Variants in LINGO2 observed in about 807,000 individuals in gnomAD.
The protein encoded by LINGO2 is leucine-rich repeat and immunoglobulin-like domain-containing nogo receptor-interacting protein 2.
In LINGO2, 14 loss-of-function variants were observed where a neutral mutation model predicts 30.6. The observed-to-expected ratio is 0.46, with a 90% confidence interval of 0.30 to 0.72. LINGO2 has a LOEUF of 0.72. Among genes scored for constraint, LINGO2 ranks in the 30% least tolerant of loss-of-function variants. The pLI, the probability that LINGO2 is intolerant of heterozygous loss-of-function variation, is 0.07. For missense variants in LINGO2, 729 were observed against 751.7 expected, an observed-to-expected ratio of 0.97 and a Z score of 0.35; for synonymous variants, 317 against 288.5, an observed-to-expected ratio of 1.10 and a Z score of -1.00.
chr9:28,833,645 A>G, the LINGO2 span, among the ~76,000 whole-genome samples: 2 of 152,166 alleles, frequency 1.3e-5, no homozygotes, highest in Admixed American at 1.3e-4. Flanking sequence ...AATATATGGG[A>G]GAGGGAACAT....
chr9:28,166,865 A>G (rs1318010117), intron 4 of LINGO2, among the ~76,000 whole-genome samples: 1 of 151,996 alleles, frequency 6.6e-6, no homozygotes, highest in Non-Finnish European at 1.5e-5. Context: ...TCTTACTCCC[A>G]TTACTCTGTG....
chr9:28,675,901 G>T, the LINGO2 span, among the ~76,000 whole-genome samples: 1 of 107,610 alleles, frequency 9.3e-6, no homozygotes, highest in Non-Finnish European at 1.9e-5. Context: ...GTGTGTGTGT[G>T]TATGTATATA....
exon 6 of LINGO2, chr9:27,948,859 T>C: frequency 6.2e-7 from 1 of 1,607,174 alleles, no homozygotes; most frequent in African/African-American, 1.3e-5. Flanking sequence ...CTTCAAATCA[T>C]TTTCATGTTG....
chr9:28,744,631 TGTGTGTGTA>T, the LINGO2 span, among the ~76,000 whole-genome samples: 1 of 145,644 alleles, frequency 6.9e-6, no homozygotes, highest in Admixed American at 6.8e-5. Context: ...TGTGTGTGTG[TGTGTGTGTA>T]TTTTTTTTTT....
intron 4 of LINGO2, among the ~76,000 whole-genome samples, chr9:28,185,420 T>C (rs549659125): frequency 2.4e-4 from 37 of 152,170 alleles, no homozygotes; most frequent in Admixed American, 7.9e-4. Context: ...TCATAACCCA[T>C]GATTAACAGG....
chr9:28,893,043 C>T, the LINGO2 span, among the ~76,000 whole-genome samples: 1 of 151,952 alleles, frequency 6.6e-6, no homozygotes, highest in Admixed American at 6.6e-5. Context: ...TTTATACATG[C>T]TTGATGCTTA....
chr9:28,158,828 A>G (rs1828208883), intron 4 of LINGO2, among the ~76,000 whole-genome samples: 1 of 152,226 alleles, frequency 6.6e-6, no homozygotes, highest in Non-Finnish European at 1.5e-5. Context: ...CTGAAAAACT[A>G]TCCTTCACGA....
At chr9:29,198,189 C>A in the LINGO2 span, among the ~76,000 whole-genome samples, 1 of 152,062 alleles carries the variant, frequency 6.6e-6, no homozygotes, top group Admixed American at 6.6e-5. Flanking sequence ...TAAAAGGAGG[C>A]ATTTTCTGTG....
chr9:28,131,458 A>T (rs1827376835), intron 4 of LINGO2, among the ~76,000 whole-genome samples: 2 of 152,262 alleles, frequency 1.3e-5, no homozygotes, highest in African/African-American at 4.8e-5. Context: ...TAAAAAATGT[A>T]TCTCACTCAT....
chr9:29,169,606 C>A, the LINGO2 span, among the ~76,000 whole-genome samples: 6 of 152,070 alleles, frequency 3.9e-5, no homozygotes, highest in African/African-American at 1.4e-4. Flanking sequence ...GTCATAATGG[C>A]TATTATTAAA....
At chr9:28,855,296 A>C in the LINGO2 span, among the ~76,000 whole-genome samples, 1 of 152,032 alleles carries the variant, frequency 6.6e-6, no homozygotes, top group Non-Finnish European at 1.5e-5. Context: ...TAGGATTTAG[A>C]ATATAGGTAA....
chr9:29,015,128 G>C, the LINGO2 span, among the ~76,000 whole-genome samples: 1 of 152,074 alleles, frequency 6.6e-6, no homozygotes, highest in Admixed American at 6.6e-5. Flanking sequence ...AGTGTGGAGT[G>C]ATAGAAAATG....
chr9:28,196,101 C>A (rs140726507), intron 4 of LINGO2, among the ~76,000 whole-genome samples: 2 of 151,572 alleles, frequency 1.3e-5, no homozygotes, highest in South Asian at 2.1e-4. Context: ...TGCTAACATC[C>A]TTTTTGACAA....
At chr9:29,158,317 C>G in the LINGO2 span, among the ~76,000 whole-genome samples, 1 of 152,016 alleles carries the variant, frequency 6.6e-6, no homozygotes, top group Non-Finnish European at 1.5e-5. Context: ...GATCCTGTCA[C>G]TGCACTCCAG....
the LINGO2 span, among the ~76,000 whole-genome samples, chr9:29,151,178 G>A: frequency 3.3e-5 from 5 of 152,000 alleles, no homozygotes; most frequent in East Asian, 1.9e-4. Flanking sequence ...CTTCATGACT[G>A]AAGGAGAAGA....
At chr9:28,241,856 C>G (rs2133976134) in intron 4 of LINGO2, among the ~76,000 whole-genome samples, 1 of 152,218 alleles carries the variant, frequency 6.6e-6, no homozygotes, top group Admixed American at 6.5e-5. Context: ...AAACCCCCAG[C>G]AAACTGCAGC....
At chr9:28,282,831 C>T (rs1823375941) in intron 4 of LINGO2, among the ~76,000 whole-genome samples, 1 of 152,090 alleles carries the variant, frequency 6.6e-6, no homozygotes, top group Non-Finnish European at 1.5e-5. Flanking sequence ...AATTTATATG[C>T]AAAGAATTTA....
chr9:28,488,726 A>G (rs1032700281), intron 1 of LINGO2, among the ~76,000 whole-genome samples: 1 of 152,180 alleles, frequency 6.6e-6, no homozygotes, highest in African/African-American at 2.4e-5. Flanking sequence ...AGTATCTCCA[A>G]GTATAAAACT....
At chr9:28,105,652 T>G (rs1348100050) in intron 4 of LINGO2, among the ~76,000 whole-genome samples, 1 of 152,104 alleles carries the variant, frequency 6.6e-6, no homozygotes, top group African/African-American at 2.4e-5. Flanking sequence ...TAAGATTAAC[T>G]GAGCTCATAC....
Sources: allele counts gnomAD v4.1 joint callset (sites outside exome capture counted in the v4.1 genomes callset), GRCh38; gene constraint gnomAD v4.1.1; transcripts MANE v1.5; gene names NCBI Gene and HGNC (gene_info 2026-07-23, HGNC 2026-07-21).